Variants in MICU2 observed in about 807,000 individuals in gnomAD.
The protein encoded by MICU2 is calcium uptake protein 2, mitochondrial.
Under a neutral mutation model 60.4 loss-of-function variants are expected in MICU2, and 64 were observed. That is an observed-to-expected ratio of 1.06 (90% CI 0.87 to 1.31). MICU2 has a LOEUF of 1.31. Ranked by LOEUF, MICU2 falls within the 50% of genes most tolerant of loss-of-function variation. The pLI is 0.00. For synonymous variants in MICU2, 201 were observed against 175.0 expected (o/e 1.15, Z -1.17); for missense variants, 569 against 531.0 (o/e 1.07, Z -0.70).
intron 4 of MICU2, among the ~76,000 whole-genome samples, chr13:21,524,327 A>G (rs1886796350): frequency 6.6e-6 from 1 of 152,086 alleles, no homozygotes; most frequent in South Asian, 2.1e-4. Context: ...CTTTATCTAT[A>G]TTCCTTTTCA....
At chr13:21,601,145 T>C (rs1888806876) in intron 1 of MICU2, among the ~76,000 whole-genome samples, 2 of 152,180 alleles carry the variant, frequency 1.3e-5, no homozygotes, top group Non-Finnish European at 2.9e-5. Context: ...GTTTACCAAC[T>C]TGGAATACCA....
intron 2 of MICU2, among the ~76,000 whole-genome samples, chr13:21,558,045 T>TA (rs1887750488): frequency 6.6e-6 from 1 of 152,238 alleles, no homozygotes; most frequent in Non-Finnish European, 1.5e-5. Flanking sequence ...TATTTTGTTA[T>TA]AAAAACTCAC....
Position 21,590,310 on chromosome 13 carries a change from T to G in MICU2, c.210+13629A>C, listed in dbSNP as rs549382881. On this transcript the variant is annotated intron_variant, in intron 1 of 11. Transcript: ENST00000382374. ...TATTCAACATTCTTAAAGAAAATAATTTTCAACCCAGAATTCCATATTCAG... is the reference window on the plus strand; with the variant it reads ...TATTCAACATTCTTAAAGAAAATAAGTTTCAACCCAGAATTCCATATTCAG... Among the ~76,000 whole-genome samples the G allele has an allele frequency of 1.3e-3, 203 of 152,244 alleles. 1 individual carries two copies. The highest frequency in any genetic ancestry group is 2.4e-3 in the Non-Finnish European group (162 of 68,022).
intron 9 of MICU2, among the ~76,000 whole-genome samples, chr13:21,501,541 C>T (rs1210808140): frequency 2.6e-5 from 4 of 152,184 alleles, no homozygotes; most frequent in East Asian, 3.9e-4. Context: ...GGATTACAGG[C>T]GTGATCATAT....
In MICU2 at chr13:21,604,159, G is replaced by C; in HGVS notation, c.-11C>G. ...CGCAGCCGCCGCCATCTTTGCGGAA[G>C]CGCAGCTAGGCGGCGCTTCTCTCCC... On this transcript the variant is annotated 5_prime_UTR_variant, in exon 1 of 12. Transcript: ENST00000382374. 1 of 1,541,812 alleles carries C rather than the reference G, an allele frequency of 6.5e-7. No homozygotes were observed. The highest frequency in any genetic ancestry group is 8.7e-7 in the Non-Finnish European group (1 of 1,147,708).
At chr13:21,575,851 TTGAA>T (rs1888215001) in intron 1 of MICU2, among the ~76,000 whole-genome samples, 1 of 152,026 alleles carries the variant, frequency 6.6e-6, no homozygotes, top group Non-Finnish European at 1.5e-5. Context: ...TTCTTAAGAA[TTGAA>T]TGAGCTACTT....
intron 9 of MICU2, among the ~76,000 whole-genome samples, chr13:21,498,104 T>G (rs1349343080): frequency 2.0e-5 from 3 of 152,170 alleles, no homozygotes; most frequent in African/African-American, 7.2e-5. Context: ...AAAAAAAAGT[T>G]TCTCTTTGTA....
intron 1 of MICU2, among the ~76,000 whole-genome samples, chr13:21,597,348 T>C (rs1029360548): frequency 6.6e-6 from 1 of 152,234 alleles, no homozygotes; most frequent in Non-Finnish European, 1.5e-5. Context: ...ATGACATGTC[T>C]CTATGGCTCT....
At chr13:21,599,239 T>C (rs1370002029) in intron 1 of MICU2, among the ~76,000 whole-genome samples, 1 of 152,230 alleles carries the variant, frequency 6.6e-6, no homozygotes, top group African/African-American at 2.4e-5. Flanking sequence ...AGTACACTTA[T>C]ACCTTTGCAA....
intron 1 of MICU2, among the ~76,000 whole-genome samples, chr13:21,586,334 C>A (rs1412366718): frequency 1.3e-5 from 2 of 152,124 alleles, no homozygotes; most frequent in African/African-American, 4.8e-5. Context: ...ATTTACTATA[C>A]CCTCTGCTTT....
chr13:21,586,526 G>A (rs1888461015), intron 1 of MICU2, among the ~76,000 whole-genome samples: 1 of 152,062 alleles, frequency 6.6e-6, no homozygotes, highest in Admixed American at 6.6e-5. Context: ...TTCCACGTCA[G>A]CCTGTCAAAG....
chr13:21,584,661 A>G (rs2138061860), intron 1 of MICU2, among the ~76,000 whole-genome samples: 1 of 152,304 alleles, frequency 6.6e-6, no homozygotes, highest in East Asian at 1.9e-4. Flanking sequence ...ATGATTCATT[A>G]TTATTTTTAT....
intron 1 of MICU2, among the ~76,000 whole-genome samples, chr13:21,600,866 G>A (rs1195445554): frequency 2.0e-5 from 3 of 152,022 alleles, no homozygotes; most frequent in Admixed American, 2.0e-4. Flanking sequence ...GCAGGATCTC[G>A]GCTCCCTGCA....
chr13:21,573,091 T>C (rs1888148961), intron 1 of MICU2, among the ~76,000 whole-genome samples: 1 of 152,214 alleles, frequency 6.6e-6, no homozygotes, highest in Non-Finnish European at 1.5e-5. Context: ...TCGTAGAATG[T>C]ATGTTATATA....
intron 2 of MICU2, among the ~76,000 whole-genome samples, chr13:21,542,874 AG>A (rs1887317350): frequency 6.6e-6 from 1 of 152,212 alleles, no homozygotes; most frequent in Non-Finnish European, 1.5e-5. Flanking sequence ...ATACACATTA[AG>A]TGTTCTTATA....
chr13:21,539,502 T>A, intron 3 of MICU2, 125 bp from the exon 4 acceptor site: 1 of 1,285,898 alleles, frequency 7.8e-7, no homozygotes, highest in Non-Finnish European at 1.1e-6. Flanking sequence ...AGGGCTTCAC[T>A]GTGTTAGCCA....
chr13:21,556,389 C>G (rs529501772), intron 2 of MICU2, among the ~76,000 whole-genome samples: 3 of 152,166 alleles, frequency 2.0e-5, no homozygotes, highest in Non-Finnish European at 2.9e-5. Flanking sequence ...ATCTCTTCAC[C>G]TCCAAATGTT....
chr13:21,513,762 A>AAAAAAAAAC, intron 7 of MICU2, among the ~76,000 whole-genome samples: 4 of 150,574 alleles, frequency 2.7e-5, no homozygotes, highest in African/African-American at 4.9e-5. Flanking sequence ...AAAAAAAAAA[A>AAAAAAAAAC]AAGACAACTT....
At chr13:21,601,100 A>G (rs1489522072) in intron 1 of MICU2, among the ~76,000 whole-genome samples, 1 of 151,856 alleles carries the variant, frequency 6.6e-6, no homozygotes, top group Non-Finnish European at 1.5e-5. Context: ...CCGGCCGGAC[A>G]TATTCACTAT....
Sources: gnomAD v4.1 joint callset for allele counts (sites outside exome capture counted in the v4.1 genomes callset) on GRCh38, gnomAD v4.1.1 for gene constraint, MANE v1.5 for transcripts, NCBI Gene and HGNC (gene_info 2026-07-23, HGNC 2026-07-21) for gene names.